The following STK3 variants were observed in gnomAD, a reference collection of about 807,000 sequenced individuals.
The protein encoded by STK3 is serine/threonine-protein kinase 3.
Under a neutral mutation model 58.0 loss-of-function variants are expected in STK3, and 41 were observed. The ratio of observed to expected loss-of-function variants is 0.71; its 90% CI spans 0.55 to 0.92. The LOEUF (loss-of-function observed/expected upper bound fraction) is 0.92, where lower values mean the gene tolerates loss of function less well. Ranked by LOEUF, STK3 falls within the 40% of genes least tolerant of loss-of-function variation. The probability of loss-of-function intolerance (pLI) is 0.00; values close to 1 mark genes in which losing one functional copy is unlikely to be tolerated. For missense variants in STK3, 479 were observed against 602.7 expected (o/e 0.79, Z 2.15); for synonymous variants, 170 against 191.0 (o/e 0.89, Z 0.91).
At chr8:98,627,569 C>G (rs920713283) in intron 6 of STK3, among the ~76,000 whole-genome samples, 2 of 151,554 alleles carry the variant, frequency 1.3e-5, no homozygotes, top group Non-Finnish European at 2.9e-5. Context: ...CTCCTGCTAT[C>G]ACCATGTGAC....
intron 6 of STK3, among the ~76,000 whole-genome samples, chr8:98,610,535 G>C (rs963036336): frequency 6.6e-6 from 1 of 152,124 alleles, no homozygotes; most frequent in Non-Finnish European, 1.5e-5. Flanking sequence ...CGGCACACAC[G>C]TCTTAGCTCT....
At chr8:98,360,359 C>A in the STK3 span, among the ~76,000 whole-genome samples, 2 of 152,220 alleles carry the variant, frequency 1.3e-5, no homozygotes, top group African/African-American at 4.8e-5. Flanking sequence ...ACCCTGTAAA[C>A]TTGCGCTCCA....
In STK3 at chr8:98,645,581, A is replaced by C. The variant is rs146533501; in HGVS notation, c.685-49412T>G. On this transcript the variant is annotated intron_variant, in intron 6 of 10. Transcript: ENST00000419617. ...GAGGAAAATCAAAATGAAATTTTCA[A>C]GTACTCACATAATGACATACCTCTA... Among the ~76,000 whole-genome samples the C allele has an allele frequency of 2.1e-3, 327 of 152,340 alleles. 2 individuals are homozygous for C. Among genetic ancestry groups the C allele is most frequent in the African/African-American group, 7.6e-3 (318 of 41,578 alleles).
At chr8:98,925,486 A>C (rs1839754400) in intron 1 of STK3, among the ~76,000 whole-genome samples, 1 of 152,208 alleles carries the variant, frequency 6.6e-6, no homozygotes, top group Non-Finnish European at 1.5e-5. Flanking sequence ...TCACTCACTC[A>C]TTTACCTGAG....
At chr8:98,741,508 T>C (rs1246196342) in intron 4 of STK3, among the ~76,000 whole-genome samples, 2 of 151,984 alleles carry the variant, frequency 1.3e-5, no homozygotes, top group Non-Finnish European at 2.9e-5. Flanking sequence ...GGGTACATAA[T>C]GAAACGAAGG....
rs112075150 is a variant in STK3 at position 98,591,741 on chromosome 8, A to G, written c.822+4291T>C. Among the ~76,000 whole-genome samples, 721 of 152,366 alleles carry G rather than the reference A, an allele frequency of 4.7e-3. 4 individuals carry two copies. Among genetic ancestry groups the G allele is most frequent in the Non-Finnish European group, 7.3e-3 (497 of 68,020 alleles). ...TAACACTATAGTGAATTGACAATGA[A>G]TTGCATAAAAGCAGGGTTGTGGTAA... On this transcript the variant is annotated intron_variant, in intron 7 of 10. Transcript: ENST00000419617.
chr8:98,903,132 A>C (rs977552744), intron 1 of STK3, among the ~76,000 whole-genome samples: 1 of 152,198 alleles, frequency 6.6e-6, no homozygotes, highest in Non-Finnish European at 1.5e-5. Context: ...CTAATACCCT[A>C]AGGGGCCATG....
At chr8:98,370,902 T>C (rs569942626), downstream of STK3, among the ~76,000 whole-genome samples, 40 of 152,286 alleles carry the variant, frequency 2.6e-4, no homozygotes, top group African/African-American at 8.7e-4. Context: ...AAAATGCAGA[T>C]GCTAGGACCA....
intron 10 of STK3, 142 bp downstream of exon 10, chr8:98,526,600 A>ATGGC (rs1388704842): frequency 1.6e-6 from 1 of 628,440 alleles, no homozygotes; most frequent in African/African-American, 1.9e-5. Flanking sequence ...AACCATGTAT[A>ATGGC]TGGCTGTATA....
chr8:98,922,267 T>C (rs912424244), intron 1 of STK3, among the ~76,000 whole-genome samples: 1 of 152,180 alleles, frequency 6.6e-6, no homozygotes, highest in Non-Finnish European at 1.5e-5. Context: ...GTGACAAGCA[T>C]GAAGAGGAAA....
At chr8:98,543,022 C>T (rs1478382217) in intron 9 of STK3, among the ~76,000 whole-genome samples, 1 of 152,178 alleles carries the variant, frequency 6.6e-6, no homozygotes, top group African/African-American at 2.4e-5. Context: ...CACAATAAAG[C>T]ATGACAGTGC....
intron 10 of STK3, among the ~76,000 whole-genome samples, chr8:98,469,023 C>A (rs539443349): frequency 6.6e-6 from 1 of 151,840 alleles, no homozygotes; most frequent in Non-Finnish European, 1.5e-5. Flanking sequence ...GCAGCAGAAT[C>A]GCTTGAACCT....
intron 6 of STK3, among the ~76,000 whole-genome samples, chr8:98,644,952 G>A (rs1587135501): frequency 2.0e-5 from 3 of 152,164 alleles, no homozygotes; most frequent in Admixed American, 2.0e-4. Context: ...TCTCTTTCCC[G>A]GTCCACATTA....
chr8:98,466,085 T>G (rs1820441754), intron 10 of STK3, among the ~76,000 whole-genome samples: 1 of 152,354 alleles, frequency 6.6e-6, no homozygotes, highest in African/African-American at 2.4e-5. Flanking sequence ...CTTTGATTTC[T>G]TATCTCAGCG....
chr8:98,425,158 A>T (rs1482468953), intron 3 of STK3, among the ~76,000 whole-genome samples: 1 of 152,228 alleles, frequency 6.6e-6, no homozygotes, highest in Non-Finnish European at 1.5e-5. Context: ...ATGGGGATGA[A>T]GGAGATCCAG....
chr8:98,597,574 T>C (rs1815936096), intron 6 of STK3: 4 of 985,408 alleles, frequency 4.1e-6, no homozygotes, highest in South Asian at 4.7e-5. Context: ...ACAGGCCAAA[T>C]AGTGCCAGTG....
At chr8:98,870,123 C>T (rs1837315212) in intron 3 of STK3, among the ~76,000 whole-genome samples, 1 of 152,092 alleles carries the variant, frequency 6.6e-6, no homozygotes, top group Admixed American at 6.6e-5. Context: ...TGAAAGTTTG[C>T]TCAGAATGAT....
At chr8:98,713,039 G>C (rs1288578337) in intron 4 of STK3, among the ~76,000 whole-genome samples, 2 of 152,078 alleles carry the variant, frequency 1.3e-5, no homozygotes, top group Non-Finnish European at 2.9e-5. Flanking sequence ...TGACTACTGG[G>C]TACATAACGA....
intron 6 of STK3, among the ~76,000 whole-genome samples, chr8:98,623,809 A>G (rs1278631003): frequency 6.6e-6 from 1 of 152,206 alleles, no homozygotes; most frequent in Non-Finnish European, 1.5e-5. Context: ...CCCAAAGGCC[A>G]TGTGAGAACA....
Sources: gnomAD v4.1 joint callset for allele counts (sites outside exome capture counted in the v4.1 genomes callset) on GRCh38, gnomAD v4.1.1 for gene constraint, MANE v1.5 for transcripts, NCBI Gene and HGNC (gene_info 2026-07-23, HGNC 2026-07-21) for gene names.